The following SGCZ variants were observed in gnomAD, a reference collection of about 807,000 sequenced individuals.
The protein encoded by SGCZ is zeta-sarcoglycan.
In SGCZ, 40 loss-of-function variants were observed where a neutral mutation model predicts 41.3. That is an observed-to-expected ratio of 0.97 (90% CI 0.75 to 1.26). The LOEUF (loss-of-function observed/expected upper bound fraction) is 1.26. Ranked by LOEUF, SGCZ falls within the 50% of genes most tolerant of loss-of-function variation. The probability of loss-of-function intolerance (pLI) is 0.00; values close to 1 mark genes in which losing one functional copy is unlikely to be tolerated. For missense variants in SGCZ, 552 were observed against 369.8 expected (o/e 1.49, Z -4.04); for synonymous variants, 206 against 137.5 (o/e 1.50, Z -3.49).
In SGCZ at chr8:15,064,592, A is replaced by C. The variant is rs1167261821; in HGVS notation, c.39+172993T>G. On this transcript the variant is annotated intron_variant, in intron 1 of 7. Coordinates refer to ENST00000382080, the MANE Select transcript of SGCZ (RefSeq NM_139167.4). ...GTTTCAGTGGAAGAACTGAAGTTTC[A>C]GCCAAAGAACTGAAACTCACCAGAT... 6.6e-5 allele frequency among the ~76,000 whole-genome samples: 10 copies of C among 151,246 alleles called. No homozygotes were observed. The East Asian group carries it at 1.8e-3, about 27-fold the overall frequency.
chr8:14,176,794 T>C (rs1804556210), intron 4 of SGCZ, among the ~76,000 whole-genome samples: 1 of 152,126 alleles, frequency 6.6e-6, no homozygotes, highest in Non-Finnish European at 1.5e-5. Context: ...CAAGCAAAAC[T>C]GTCTCATTGC....
chr8:14,132,919 T>C (rs2117061539), intron 5 of SGCZ, among the ~76,000 whole-genome samples: 1 of 152,298 alleles, frequency 6.6e-6, no homozygotes, highest in South Asian at 2.1e-4. Flanking sequence ...AGACTGAAAT[T>C]CGCTTTGTGT....
intron 1 of SGCZ, among the ~76,000 whole-genome samples, chr8:14,852,523 T>C (rs932745743): frequency 6.6e-6 from 1 of 152,132 alleles, no homozygotes; most frequent in Non-Finnish European, 1.5e-5. Context: ...TGCCATCGAG[T>C]ACACACCAGC....
chr8:14,440,197 G>A (rs982250016), intron 2 of SGCZ, among the ~76,000 whole-genome samples: 18 of 151,868 alleles, frequency 1.2e-4, no homozygotes, highest in Middle Eastern at 3.4e-3. Flanking sequence ...AAAATTTTTT[G>A]CCTATATGTC....
intron 4 of SGCZ, among the ~76,000 whole-genome samples, chr8:14,195,974 G>A (rs1395658277): frequency 6.6e-6 from 1 of 152,052 alleles, no homozygotes; most frequent in Non-Finnish European, 1.5e-5. Flanking sequence ...ATAAAGGGTA[G>A]TGACCACCTG....
chr8:14,657,157 G>C (rs1272905106), intron 1 of SGCZ, among the ~76,000 whole-genome samples: 1 of 151,870 alleles, frequency 6.6e-6, no homozygotes, highest in Non-Finnish European at 1.5e-5. Flanking sequence ...TCTTCCTTTT[G>C]TGTTCAGTCT....
chr8:14,977,241 C>T (rs1311409629), intron 1 of SGCZ, among the ~76,000 whole-genome samples: 1 of 152,106 alleles, frequency 6.6e-6, no homozygotes, highest in Non-Finnish European at 1.5e-5. Context: ...CCCATCCCTC[C>T]CCACAGATCT....
intron 2 of SGCZ, among the ~76,000 whole-genome samples, chr8:14,356,500 C>T (rs1173540870): frequency 6.6e-6 from 1 of 151,894 alleles, no homozygotes; most frequent in African/African-American, 2.4e-5. Context: ...ATCTAGAGGA[C>T]TAAAATGTCT....
At chr8:14,434,938 T>A (rs988582336) in intron 2 of SGCZ, among the ~76,000 whole-genome samples, 2 of 152,082 alleles carry the variant, frequency 1.3e-5, no homozygotes, top group Non-Finnish European at 2.9e-5. Context: ...ACCACATCTT[T>A]TGGGGAGTTG....
chr8:14,898,636 C>T (rs749845764), intron 1 of SGCZ, among the ~76,000 whole-genome samples: 10 of 151,906 alleles, frequency 6.6e-5, no homozygotes, highest in South Asian at 2.1e-4. Flanking sequence ...TATATATAAG[C>T]GAGAATCGAA....
chr8:15,156,731 G>T (rs998593160), intron 1 of SGCZ, among the ~76,000 whole-genome samples: 1 of 151,938 alleles, frequency 6.6e-6, no homozygotes, highest in East Asian at 1.9e-4. Context: ...ATCACCTGAG[G>T]TCAGGAGTTC....
At chr8:14,708,518 A>G (rs374045983) in intron 1 of SGCZ, among the ~76,000 whole-genome samples, 2 of 151,802 alleles carry the variant, frequency 1.3e-5, no homozygotes, top group East Asian at 3.9e-4. Context: ...TTTGCCATTT[A>G]TTGCTGATTC....
chr8:15,105,132 G>C (rs1452139558), intron 1 of SGCZ, among the ~76,000 whole-genome samples: 1 of 152,230 alleles, frequency 6.6e-6, no homozygotes, highest in East Asian at 1.9e-4. Flanking sequence ...ACAGTTACTG[G>C]ACACTTGTAT....
rs1386650239 is a variant in SGCZ at position 14,541,982 on chromosome 8, G to A, written c.234+12750C>T. On this transcript the variant is annotated intron_variant, in intron 2 of 7. Coordinates refer to ENST00000382080, the MANE Select transcript of SGCZ (RefSeq NM_139167.4). ...TGCTCACTTTTTGATGAGGCTTTTTGTTTTTTTCTTGTAAATTTGTTTAGG... is the reference window on the plus strand; with the variant it reads ...TGCTCACTTTTTGATGAGGCTTTTTATTTTTTTCTTGTAAATTTGTTTAGG... Among the ~76,000 whole-genome samples the A allele has an allele frequency of 2.0e-5, 3 of 151,856 alleles. No individual in the cohort carries two copies. In the South Asian group the frequency reaches 6.2e-4, roughly 32 times the overall value.
chr8:14,812,960 T>C (rs1801779849), intron 1 of SGCZ, among the ~76,000 whole-genome samples: 1 of 152,162 alleles, frequency 6.6e-6, no homozygotes, highest in Non-Finnish European at 1.5e-5. Flanking sequence ...ATTATATAAC[T>C]CAAGAAGCAT....
chr8:15,105,471 G>C (rs1563128447), intron 1 of SGCZ, among the ~76,000 whole-genome samples: 1 of 152,142 alleles, frequency 6.6e-6, no homozygotes, highest in African/African-American at 2.4e-5. Flanking sequence ...GGGGAAGTAA[G>C]CACGTCTTAC....
At chr8:15,113,265 A>G (rs1038542954) in intron 1 of SGCZ, among the ~76,000 whole-genome samples, 1 of 152,096 alleles carries the variant, frequency 6.6e-6, no homozygotes, top group Non-Finnish European at 1.5e-5. Context: ...ATAGTTCATA[A>G]TTCTAAAGAT....
chr8:14,948,471 TGA>T (rs143082015), intron 1 of SGCZ, among the ~76,000 whole-genome samples: 32 of 147,538 alleles, frequency 2.2e-4, no homozygotes, highest in Admixed American at 2.7e-4. Context: ...TCTTATCTTA[TGA>T]GAGAGAGAGA....
intron 2 of SGCZ, among the ~76,000 whole-genome samples, chr8:14,550,179 A>G (rs1004537542): frequency 5.1e-4 from 77 of 152,094 alleles, no homozygotes; most frequent in African/African-American, 1.8e-3. Flanking sequence ...AGATAAATAA[A>G]TGAGATTTGT....
Sources: allele counts gnomAD v4.1 joint callset (sites outside exome capture counted in the v4.1 genomes callset), GRCh38; gene constraint gnomAD v4.1.1; transcripts MANE v1.5; gene names NCBI Gene and HGNC (gene_info 2026-07-23, HGNC 2026-07-21).